The following BAAT variants were observed in gnomAD, a reference collection of about 807,000 sequenced individuals.
BAAT encodes bile acid CoA: amino acid N-acyltransferase (glycine N-choloyltransferase).
BAAT carries 13 observed loss-of-function variants against 18.9 expected under a neutral mutation model. The ratio of observed to expected loss-of-function variants is 0.69; its 90% CI spans 0.45 to 1.10. The LOEUF (loss-of-function observed/expected upper bound fraction) is 1.10. BAAT is among the 50% of genes least tolerant of loss of function. The pLI, the probability that BAAT is intolerant of heterozygous loss-of-function variation, is 0.00. For synonymous variants in BAAT, 170 were observed against 190.7 expected (o/e 0.89, Z 0.89); for missense variants, 489 against 504.0 (o/e 0.97, Z 0.28).
At chr9:101,375,597 A>T (rs542777920) in intron 1 of BAAT, 56 of 167,738 alleles carry the variant, frequency 3.3e-4, no homozygotes, top group Non-Finnish European at 3.0e-4. Context: ...TTGTCCAAAG[A>T]TAGAGTCAAA....
intron 3 of BAAT, among the ~76,000 whole-genome samples, chr9:101,364,578 G>A (rs1829794674): frequency 6.6e-6 from 1 of 152,178 alleles, no homozygotes; most frequent in African/African-American, 2.4e-5. Context: ...CACCATAGGA[G>A]AAACTCATGC....
At chr9:101,363,798 G>A (rs764499654) in intron 3 of BAAT, among the ~76,000 whole-genome samples, 13 of 152,090 alleles carry the variant, frequency 8.5e-5, no homozygotes, top group South Asian at 2.1e-4. Flanking sequence ...ATGAGTCTTC[G>A]TATTAAAAAA....
rs1323798016 is a variant in BAAT at position 101,360,663 on chromosome 9, T to C, written c.*1765A>G. 6.6e-6 allele frequency: 1 copy of C among 152,378 alleles called. No homozygotes were observed. Among genetic ancestry groups the C allele is most frequent in the Non-Finnish European group, 1.5e-5 (1 of 68,052 alleles). 9.4% of individuals were successfully genotyped at this position (152,378 alleles called of 1,614,324 possible). Reference sequence around the variant, plus strand: ...GAACTCACTCACTATCATACTCTCATGAGGACAGTACCAAGCCATGAGGGT... The same window carrying C: ...GAACTCACTCACTATCATACTCTCACGAGGACAGTACCAAGCCATGAGGGT... On this transcript the variant is annotated 3_prime_UTR_variant, in exon 4 of 4. Coordinates refer to ENST00000259407, the MANE Select transcript of BAAT (RefSeq NM_001701.4).
chr9:101,369,649 A>G (rs1005577182), intron 2 of BAAT, among the ~76,000 whole-genome samples: 5 of 152,234 alleles, frequency 3.3e-5, no homozygotes, highest in African/African-American at 1.2e-4. Flanking sequence ...TAATAGAGGC[A>G]CAGCAATTTG....
chr9:101,374,196 T>C (rs1830002105), intron 1 of BAAT, among the ~76,000 whole-genome samples: 1 of 152,180 alleles, frequency 6.6e-6, no homozygotes, highest in African/African-American at 2.4e-5. Context: ...GACCTAAGTT[T>C]TGAAGTTTCT....
intron 1 of BAAT, among the ~76,000 whole-genome samples, chr9:101,374,841 A>T (rs529024101): frequency 8.2e-5 from 12 of 146,160 alleles, no homozygotes; most frequent in South Asian, 4.3e-4. Context: ...TGCTTTATTT[A>T]AAAAAAAAAA....
chr9:101,369,675 G>T (rs1255733049), intron 2 of BAAT, among the ~76,000 whole-genome samples: 1 of 152,054 alleles, frequency 6.6e-6, no homozygotes, highest in Non-Finnish European at 1.5e-5. Flanking sequence ...TTTAATTCTT[G>T]GTCCCTATAC....
Position 101,360,693 on chromosome 9 carries a change from C to T in BAAT, c.*1735G>A, listed in dbSNP as rs1041815303. On this transcript the variant is annotated 3_prime_UTR_variant, in exon 4 of 4. Transcript: ENST00000259407. Reference sequence around the variant, plus strand: ...ACAGTACCAAGCCATGAGGGTCCACCCCCATGACCCAAACAACTCCCACCA... The same window carrying T: ...ACAGTACCAAGCCATGAGGGTCCACTCCCATGACCCAAACAACTCCCACCA... The T allele has an allele frequency of 3.3e-5, 5 of 151,142 alleles. No homozygotes were observed. Among genetic ancestry groups the T allele is most frequent in the African/African-American group, 9.7e-5 (4 of 41,362 alleles). The allele number at this position is 151,142 out of a possible 1,614,324, so 9.4% of individuals were successfully genotyped here. A position where few individuals can be genotyped will look rare whatever the true frequency, so the allele number is the denominator to read the frequency against.
chr9:101,362,300 CT>C lies in BAAT; in HGVS notation c.*127del, dbSNP rs1829740243. The C allele has an allele frequency of 9.5e-7, 1 of 1,051,932 alleles. No individual in the cohort carries two copies. Among genetic ancestry groups the C allele is most frequent in the South Asian group, 1.4e-5 (1 of 69,096 alleles). 65.2% of individuals were successfully genotyped at this position (1,051,932 alleles called of 1,614,324 possible). On this transcript the variant is annotated 3_prime_UTR_variant, in exon 4 of 4. Transcript: ENST00000259407. ...AAATATCAGGTTTTTACCCTATGCT[CT>C]TTTTAATCATTAAAATTAATACAAA...
intron 1 of BAAT, among the ~76,000 whole-genome samples, chr9:101,375,189 C>T (rs1830017791): frequency 6.6e-6 from 1 of 152,184 alleles, no homozygotes; most frequent in Non-Finnish European, 1.5e-5. Flanking sequence ...AGCTCTTTTG[C>T]CTGACACCAT....
At chr9:101,377,520 T>C (rs1487665335) in intron 1 of BAAT, among the ~76,000 whole-genome samples, 1 of 152,068 alleles carries the variant, frequency 6.6e-6, no homozygotes, top group Admixed American at 6.6e-5. Flanking sequence ...AATATAAGGA[T>C]TGATAGGATT....
At chr9:101,365,009 A>C (rs1402189746) in intron 3 of BAAT, among the ~76,000 whole-genome samples, 1 of 152,224 alleles carries the variant, frequency 6.6e-6, no homozygotes, top group Non-Finnish European at 1.5e-5. Context: ...TACTGTCCTG[A>C]ACTAAGGTAA....
intron 2 of BAAT, among the ~76,000 whole-genome samples, chr9:101,370,416 G>A (rs2119024854): frequency 6.9e-6 from 1 of 144,328 alleles, no homozygotes; most frequent in South Asian, 2.2e-4. Context: ...AGGCTCAAGA[G>A]ATCTTTCCTC....
Position 101,370,933 on chromosome 9 carries a change from A to G in BAAT, c.466+6T>C, listed in dbSNP as rs1219306642. On this transcript the variant is annotated splice_donor_region_variant and intron_variant, in intron 2 of 3. Transcript: ENST00000259407. ...GAATAACAATAAGCAGAGTAATTCTACTCACCTGGAGGGAGAAAGAGAGCT... is the reference window on the plus strand; with the variant it reads ...GAATAACAATAAGCAGAGTAATTCTGCTCACCTGGAGGGAGAAAGAGAGCT... The G allele has an allele frequency of 2.5e-6, 4 of 1,613,400 alleles. No individual in the cohort carries two copies. The East Asian group carries it at 6.7e-5, about 27-fold the overall frequency.
intron 3 of BAAT, 117 bp downstream of exon 3, chr9:101,368,003 G>C: frequency 9.3e-7 from 1 of 1,079,812 alleles, no homozygotes; most frequent in Admixed American, 1.9e-5. Context: ...CCAAGTGTCA[G>C]ATCATGCCAC....
chr9:101,365,502 A>G (rs185661314), intron 3 of BAAT, among the ~76,000 whole-genome samples: 1 of 151,806 alleles, frequency 6.6e-6, no homozygotes, highest in African/African-American at 2.4e-5. Context: ...GAAATTCTGT[A>G]TTTTTTTAAT....
At chr9:101,377,982 G>T (rs192579547) in intron 1 of BAAT, among the ~76,000 whole-genome samples, 1 of 152,004 alleles carries the variant, frequency 6.6e-6, no homozygotes, top group Non-Finnish European at 1.5e-5. Context: ...GAGCCAAAAC[G>T]TGAGTGAACT....
chr9:101,369,909 C>G (rs1321487604), intron 2 of BAAT, among the ~76,000 whole-genome samples: 1 of 152,090 alleles, frequency 6.6e-6, no homozygotes, highest in Non-Finnish European at 1.5e-5. Flanking sequence ...CTGTGGGAAA[C>G]TATGAGCGTT....
intron 1 of BAAT, among the ~76,000 whole-genome samples, chr9:101,381,550 T>A (rs1256292893): frequency 6.6e-6 from 1 of 151,828 alleles, no homozygotes; most frequent in Non-Finnish European, 1.5e-5. Flanking sequence ...AATAAATACA[T>A]ACATAAAAAT....
Sources: allele counts gnomAD v4.1 joint callset (sites outside exome capture counted in the v4.1 genomes callset), GRCh38; gene constraint gnomAD v4.1.1; transcripts MANE v1.5; gene names NCBI Gene and HGNC (gene_info 2026-07-23, HGNC 2026-07-21).